GABRB2: variants seen among roughly 807,000 people sequenced by gnomAD.
The protein encoded by GABRB2 is gamma-aminobutyric acid receptor subunit beta-2.
A neutral mutation model predicts 54.7 loss-of-function variants in GABRB2; 16 were observed. The observed-to-expected ratio is 0.29, with a 90% CI of 0.20 to 0.44. The LOEUF is 0.44. Ranked by LOEUF, GABRB2 falls within the 20% of genes least tolerant of loss-of-function variation. The pLI is 1.00. For missense variants in GABRB2, 355 were observed against 644.0 expected, an observed-to-expected ratio of 0.55 and a Z score of 4.86; for synonymous variants, 244 against 233.8, an observed-to-expected ratio of 1.04 and a Z score of -0.40.
chr5:161,498,175 A>C (rs1375549141), intron 3 of GABRB2, among the ~76,000 whole-genome samples: 1 of 152,146 alleles, frequency 6.6e-6, no homozygotes, highest in African/African-American at 2.4e-5. Context: ...CAAATATAAA[A>C]AGAGAAAGGG....
At chr5:161,530,597 G>T (rs1251747742) in intron 3 of GABRB2, among the ~76,000 whole-genome samples, 1 of 152,084 alleles carries the variant, frequency 6.6e-6, no homozygotes, top group Non-Finnish European at 1.5e-5. Context: ...TTATAGAAGA[G>T]AAATTTGCCT....
chr5:161,435,006 G>T (rs1379465234), intron 4 of GABRB2, among the ~76,000 whole-genome samples: 1 of 152,122 alleles, frequency 6.6e-6, no homozygotes, highest in Non-Finnish European at 1.5e-5. Context: ...TCACAATGCG[G>T]TGTTATATAG....
intron 9 of GABRB2, among the ~76,000 whole-genome samples, chr5:161,325,400 A>T (rs935843492): frequency 2.0e-5 from 3 of 152,146 alleles, no homozygotes; most frequent in Non-Finnish European, 4.4e-5. Context: ...ACAAGTAATG[A>T]AGTCAAAAAG....
chr5:161,542,644 T>C (rs1021905206), intron 3 of GABRB2, among the ~76,000 whole-genome samples: 4 of 152,150 alleles, frequency 2.6e-5, no homozygotes, highest in Non-Finnish European at 5.9e-5. Context: ...AATGAGTCAA[T>C]GACAATTTAA....
chr5:161,529,214 T>C (rs1014353819), intron 3 of GABRB2, among the ~76,000 whole-genome samples: 2 of 152,002 alleles, frequency 1.3e-5, no homozygotes, highest in African/African-American at 4.8e-5. Flanking sequence ...AATTACTAGT[T>C]GACTTAATTT....
chr5:161,459,879 A>G (rs774236660), intron 3 of GABRB2, 35 bp from the exon 4 acceptor site: 14 of 1,274,888 alleles, frequency 1.1e-5, no homozygotes, highest in Non-Finnish European at 1.6e-5. Context: ...TGGTTAGTTT[A>G]CACCCAGACA....
chr5:161,316,318 GA>G (rs879635279), intron 9 of GABRB2, among the ~76,000 whole-genome samples: 1 of 152,030 alleles, frequency 6.6e-6, no homozygotes, highest in Non-Finnish European at 1.5e-5. Context: ...CATATCTGCA[GA>G]GCCATGAGCA....
At chr5:161,394,087 C>A (rs527721904) in intron 5 of GABRB2, among the ~76,000 whole-genome samples, 2 of 151,984 alleles carry the variant, frequency 1.3e-5, no homozygotes, top group East Asian at 3.9e-4. Flanking sequence ...CGCCTACTAA[C>A]TGGAAGTAAA....
chr5:161,491,830 G>C (rs1273861536), intron 3 of GABRB2, among the ~76,000 whole-genome samples: 2 of 151,594 alleles, frequency 1.3e-5, no homozygotes, highest in East Asian at 3.9e-4. Flanking sequence ...GTCTACAAAG[G>C]AGCATCTGTT....
chr5:161,339,672 T>G (rs190553127), intron 5 of GABRB2, among the ~76,000 whole-genome samples: 2 of 152,262 alleles, frequency 1.3e-5, no homozygotes, highest in East Asian at 1.9e-4. Flanking sequence ...TCTCATTTAA[T>G]CTTCACAACA....
chr5:161,353,417 CT>C (rs1355630411), intron 5 of GABRB2, among the ~76,000 whole-genome samples: 1 of 152,050 alleles, frequency 6.6e-6, no homozygotes, highest in Non-Finnish European at 1.5e-5. Context: ...GGGGAAGCCC[CT>C]TCCTTCCACA....
At chr5:161,331,795 AGGG>A (rs1753851806) in intron 7 of GABRB2, among the ~76,000 whole-genome samples, 1 of 152,062 alleles carries the variant, frequency 6.6e-6, no homozygotes, top group Non-Finnish European at 1.5e-5. Context: ...GCTTCAAGCA[AGGG>A]GGCAATTTGC....
intron 3 of GABRB2, among the ~76,000 whole-genome samples, chr5:161,519,410 A>C (rs1760047236): frequency 6.6e-6 from 1 of 152,196 alleles, no homozygotes; most frequent in Non-Finnish European, 1.5e-5. Context: ...TGACTTTACG[A>C]AGAAGGCTTT....
At chr5:161,313,486 T>C (rs190190554) in intron 9 of GABRB2, among the ~76,000 whole-genome samples, 117 of 152,150 alleles carry the variant, frequency 7.7e-4, no homozygotes, top group African/African-American at 2.6e-3. Context: ...ATCTGTACCA[T>C]AGACTATTCA....
Position 161,515,939 on chromosome 5 carries a change from C to T in GABRB2, c.237+29288G>A, listed in dbSNP as rs28692922. Among the ~76,000 whole-genome samples the T allele has an allele frequency of 6.3e-3, 963 of 152,252 alleles. 15 individuals carry two copies. Among genetic ancestry groups the T allele is most frequent in the African/African-American group, 0.022 (921 of 41,554 alleles). On this transcript the variant is annotated intron_variant, in intron 3 of 9. Transcript: ENST00000393959. ...TCAGAGGCACTATTAACCTGACATG[C>T]AAAAGTCAGCCAGATTCCATGGCAG...
intron 6 of GABRB2, among the ~76,000 whole-genome samples, chr5:161,335,755 G>A (rs909425086): frequency 5.3e-5 from 8 of 152,178 alleles, no homozygotes; most frequent in South Asian, 2.1e-4. Flanking sequence ...GGAATTCAGC[G>A]GACCTCAAAC....
intron 5 of GABRB2, among the ~76,000 whole-genome samples, chr5:161,409,612 T>C (rs1756448342): frequency 6.6e-6 from 1 of 152,114 alleles, no homozygotes; most frequent in Non-Finnish European, 1.5e-5. Context: ...TCTGGCAGCA[T>C]ATATACCAAA....
intron 9 of GABRB2, 54 bp downstream of exon 9, chr5:161,326,314 C>CA (rs1362125670): frequency 1.2e-6 from 2 of 1,603,514 alleles, no homozygotes; most frequent in Admixed American, 3.5e-5. Context: ...AACAGCTAAA[C>CA]AAATTGGCCC....
At chr5:161,465,244 C>A (rs1372656377) in intron 3 of GABRB2, among the ~76,000 whole-genome samples, 1 of 151,460 alleles carries the variant, frequency 6.6e-6, no homozygotes, top group Non-Finnish European at 1.5e-5. Context: ...AGATATCTGA[C>A]ATCTGGAGGG....
Sources: allele counts gnomAD v4.1 joint callset (sites outside exome capture counted in the v4.1 genomes callset), GRCh38; gene constraint gnomAD v4.1.1; transcripts MANE v1.5; gene names NCBI Gene and HGNC (gene_info 2026-07-23, HGNC 2026-07-21).